TBC1D9B: variants seen among roughly 807,000 people sequenced by gnomAD.
The protein encoded by TBC1D9B is TBC1 domain family member 9B.
In TBC1D9B, 87 loss-of-function variants were observed where a neutral mutation model predicts 121.1. The observed-to-expected ratio is 0.72, with a 90% CI of 0.60 to 0.86. The LOEUF (loss-of-function observed/expected upper bound fraction) is 0.86. Among genes scored for constraint, TBC1D9B ranks in the 40% least tolerant of loss-of-function variants. The pLI is 0.00. For synonymous variants in TBC1D9B, 668 were observed against 670.1 expected (o/e 1.00, Z 0.05); for missense variants, 1,540 against 1,628.6 (o/e 0.95, Z 0.94).
At position 179,899,250 on chromosome 5, in the gene TBC1D9B, T is replaced by C; in HGVS notation, c.287A>G (p.Gln96Arg). 1 of 1,614,148 alleles carries C rather than the reference T, an allele frequency of 6.2e-7. No homozygotes were observed. The highest frequency in any genetic ancestry group is 8.5e-7 in the Non-Finnish European group (1 of 1,180,036). ...HWEWLENNLL[Q>R]TLSIFDSEED... ...CTCACTGTCGAAGATGGACAGTGTC[T>C]GGAGCAAGTTATTTTCCAGCCATTC... The change falls in exon 3 of 21, where the codon CAG becomes CGG. Residue 96 changes from glutamine (Q) to arginine (R), a missense_variant. Transcript: ENST00000355235.
rs1431959207 is a variant in TBC1D9B at position 179,875,381 on chromosome 5, C to T, written c.1901-194G>A. ...TCTCTACAGCTCCCAAACCACTGGG[C>T]GAAATAACTATTTCTTCTACTACAC... On this transcript the variant is annotated intron_variant, in intron 11 of 20. Transcript: ENST00000355235. This position sits in a 1 kb window ranked among gnomAD's most constrained non-coding sequence, Gnocchi z 4.5. Among the ~76,000 whole-genome samples, 1 of 152,094 alleles carries T rather than the reference C, an allele frequency of 6.6e-6. No individual in the cohort carries two copies. Among genetic ancestry groups the T allele is most frequent in the African/African-American group, 2.4e-5 (1 of 41,410 alleles).
rs184527634 is a variant in TBC1D9B, at chr5:179,890,879, C to T, written c.1044+500G>A. On this transcript the variant is annotated intron_variant, in intron 6 of 20. Transcript: ENST00000355235. The surrounding 1 kb of genome is among the most constrained non-coding windows in gnomAD (Gnocchi z 5.0). The stretch of plus-strand genomic sequence containing the variant: ...AGGAGCAAGTGAGAGCCAATGCAGC[C>T]TCACAGGGGAGAGCCGACGCCGCCC... 1.2e-3 allele frequency among the ~76,000 whole-genome samples: 185 copies of T among 152,316 alleles called. No homozygotes were observed. The highest frequency in any genetic ancestry group is 4.2e-3 in the African/African-American group (176 of 41,588).
At position 179,863,421 on chromosome 5, in the gene TBC1D9B, T is replaced by C. The variant is rs1490762708; in HGVS notation, c.*27A>G. 1.2e-6 allele frequency: 2 copies of C among 1,602,394 alleles called. No homozygotes were observed. Among genetic ancestry groups the C allele is most frequent in the African/African-American group, 2.7e-5 (2 of 74,700 alleles). On this transcript the variant is annotated 3_prime_UTR_variant, in exon 21 of 21. Transcript: ENST00000355235. The surrounding 1 kb of genome is among the most constrained non-coding windows in gnomAD (Gnocchi z 4.5). ...TGAGGCCAGCCCCACTGATGACACCTTGGGCCAGGCCTCACAGCTGCAGGC... is the reference window on the plus strand; with the variant it reads ...TGAGGCCAGCCCCACTGATGACACCCTGGGCCAGGCCTCACAGCTGCAGGC...
chr5:179,891,319 T>A lies in TBC1D9B; in HGVS notation c.1044+60A>T, dbSNP rs1582096497. ...GGGCAGAGCAGGACAGGCTGGTCCC[T>A]GAGCCCACTGACACCTCGGGGCTGG... On this transcript the variant is annotated intron_variant, in intron 6 of 20. Coordinates refer to ENST00000355235, the MANE Select transcript of TBC1D9B (RefSeq NM_015043.4). The surrounding 1 kb of genome is among the most constrained non-coding windows in gnomAD (Gnocchi z 4.3). 1 of 1,594,478 alleles carries A rather than the reference T, an allele frequency of 6.3e-7. No homozygotes were observed. The highest frequency in any genetic ancestry group is 2.2e-5 in the East Asian group (1 of 44,716).
chr5:179,881,946 G>GTTTTTGTTTTTTTTTTTTTTTTTTT (rs1760554581), intron 7 of TBC1D9B, among the ~76,000 whole-genome samples: 3 of 128,286 alleles, frequency 2.3e-5, no homozygotes, highest in African/African-American at 1.0e-4. Flanking sequence ...TATACCTTCC[G>GTTTTTGTTTTTTTTTTTTTTTTTTT]TTTTTTTTTT....
intron 6 of TBC1D9B, among the ~76,000 whole-genome samples, chr5:179,888,924 G>A (rs549275638): frequency 1.3e-5 from 2 of 152,312 alleles, no homozygotes; most frequent in South Asian, 2.1e-4. Flanking sequence ...GAAGAGATGG[G>A]TGGGGGCACA....
chr5:179,891,036 G>A lies in TBC1D9B; in HGVS notation c.1044+343C>T, dbSNP rs919221751. 3.9e-5 allele frequency among the ~76,000 whole-genome samples: 6 copies of A among 152,212 alleles called. No homozygotes were observed. The highest frequency in any genetic ancestry group is 9.6e-5 in the African/African-American group (4 of 41,452). ...GGTGCAGGAACACGGTCCTCTAAGC[G>A]CAGCCACGGAGCAGCACTTTGCCCT... On this transcript the variant is annotated intron_variant, in intron 6 of 20. Transcript: ENST00000355235. The surrounding 1 kb of genome is among the most constrained non-coding windows in gnomAD (Gnocchi z 4.3).
At chr5:179,900,356 AC>A (rs1246054309) in intron 2 of TBC1D9B, among the ~76,000 whole-genome samples, 1 of 152,100 alleles carries the variant, frequency 6.6e-6, no homozygotes, top group Non-Finnish European at 1.5e-5. Flanking sequence ...TGGCTCCCCT[AC>A]CCCCAGCACC....
rs147664127 is a variant in TBC1D9B, at chr5:179,863,537, C to G, written c.3613G>C (p.Asp1205His). Residue 1205 changes from aspartate to histidine, a missense_variant, in exon 21 of 21, where the codon GAC becomes CAC. Transcript: ENST00000355235. The surrounding 1 kb of genome is among the most constrained non-coding windows in gnomAD (Gnocchi z 4.5). ...TGGTCCTTGATCTTGAGTCCAATGT[C>G]CACTCTCTTCTCAAAGAAGTTCACC... ...VLVNFFEKRVDIGLKIKDQKK... is the reference protein window; with the variant it reads ...VLVNFFEKRVHIGLKIKDQKK... 1.1e-5 allele frequency: 18 copies of G among 1,614,186 alleles called. No individual in the cohort carries two copies. The highest frequency in any genetic ancestry group is 1.4e-5 in the Non-Finnish European group (17 of 1,180,046).
At chr5:179,892,816 C>G (rs1760902737) in intron 5 of TBC1D9B, among the ~76,000 whole-genome samples, 1 of 152,174 alleles carries the variant, frequency 6.6e-6, no homozygotes, top group African/African-American at 2.4e-5. Flanking sequence ...CTGGGGGTGT[C>G]AGAACACCCT....
Position 179,902,370 on chromosome 5 carries a change from C to T in TBC1D9B, c.229+2332G>A, listed in dbSNP as rs1228838978. On this transcript the variant is annotated intron_variant, in intron 2 of 20. Transcript: ENST00000355235. This position sits in a 1 kb window ranked among gnomAD's most constrained non-coding sequence, Gnocchi z 4.9. ...AAGGCCAGAAATGGAGGCAGGCAGA[C>T]CCCCAGGTGTCCTCGAACACCAGGC... Among the ~76,000 whole-genome samples the T allele has an allele frequency of 5.9e-5, 9 of 152,174 alleles. No homozygotes were observed. Among genetic ancestry groups the T allele is most frequent in the Non-Finnish European group, 1.3e-4 (9 of 68,028 alleles).
intron 7 of TBC1D9B, among the ~76,000 whole-genome samples, chr5:179,883,386 T>C (rs1375844719): frequency 1.3e-5 from 2 of 152,248 alleles, no homozygotes; most frequent in African/African-American, 4.8e-5. Flanking sequence ...TTTGATCTTC[T>C]TTGCCTAACT....
Position 179,893,246 on chromosome 5 carries a change from G to A in TBC1D9B, c.799C>T (p.Pro267Ser). 1.2e-6 allele frequency: 2 copies of A among 1,613,170 alleles called. No homozygotes were observed. The highest frequency in any genetic ancestry group is 2.2e-5 in the South Asian group (2 of 91,076). ...GFLEDKALPR[P>S]IRPHRNISAL... ...GAGATGTTCCTGTGTGGCCGGATGG[G>A]CCTAGGCAGGGCCTTGTCCTCCAGG... The change falls in exon 5 of 21, where the codon CCC becomes TCC. Residue 267 changes from proline (P) to serine (S), a missense_variant. By Grantham distance (74) the Pro-to-Ser change is moderately conservative. Transcript: ENST00000355235.
chr5:179,870,956 G>C (rs1048221286), intron 15 of TBC1D9B, among the ~76,000 whole-genome samples: 7 of 152,256 alleles, frequency 4.6e-5, no homozygotes, highest in Admixed American at 1.3e-4. Flanking sequence ...CAGAAAGGCA[G>C]ATTCCAACCA....
rs61735498 is a variant in TBC1D9B, at chr5:179,863,890, G to A, written c.3260C>T (p.Ala1087Val). 2.5e-3 allele frequency: 4,042 copies of A among 1,613,170 alleles called. 106 individuals are homozygous for A. The African/African-American group carries it at 0.047, about 19-fold the overall frequency. ...DAARELQPPAAGDPQAKAGGD... is the reference protein window; with the variant it reads ...DAARELQPPAVGDPQAKAGGD... Reference sequence around the variant, plus strand: ...GCCTGCTTTGGCTTGGGGGTCTCCTGCAGCTGGGGGCTGAAGCTCCCTGGC... The same window carrying A: ...GCCTGCTTTGGCTTGGGGGTCTCCTACAGCTGGGGGCTGAAGCTCCCTGGC... The change falls in exon 21 of 21, where the codon GCA (alanine) becomes GTA (valine). Residue 1087 changes from alanine (A) to valine (V), a missense_variant. Ala to Val is a moderately conservative substitution (Grantham distance 64, BLOSUM62 0). Coordinates refer to ENST00000355235, the MANE Select transcript of TBC1D9B (RefSeq NM_015043.4). This position sits in a 1 kb window ranked among gnomAD's most constrained non-coding sequence, Gnocchi z 4.5.
chr5:179,879,316 CCT>C (rs1760462089), intron 8 of TBC1D9B, 119 bp from the exon 9 acceptor site: 1 of 1,431,028 alleles, frequency 7.0e-7, no homozygotes, highest in African/African-American at 1.4e-5. Flanking sequence ...GTGTGGCCTT[CCT>C]CGCAATTCCC....
chr5:179,872,621 G>A, intron 14 of TBC1D9B: 1 of 488,444 alleles, frequency 2.0e-6, no homozygotes, highest in Non-Finnish European at 3.7e-6. Context: ...GGCGGGCTCG[G>A]CCCAGAGGGC....
intron 20 of TBC1D9B, among the ~76,000 whole-genome samples, chr5:179,864,836 C>T (rs1481369059): frequency 6.6e-6 from 1 of 152,222 alleles, no homozygotes; most frequent in Non-Finnish European, 1.5e-5. Flanking sequence ...TGGGGTCTCC[C>T]ATTTTCTGGC....
Position 179,893,380 on chromosome 5 carries a change from C to T in TBC1D9B, c.665G>A (p.Arg222His), listed in dbSNP as rs752328852. ...LFPESIRVDT[R>H]DQELFFSMFL... ...CATGGAGAAGAAGAGCTCCTGGTCG[C>T]GGGTGTCCACACGGATGCTCTCGGG... The change falls in exon 5 of 21, where the codon CGC becomes CAC. Residue 222 changes from arginine to histidine, a missense_variant. Physicochemically the swap from Arg to His is conservative, Grantham distance 29. Transcript: ENST00000355235. 48 of 1,613,964 alleles carry T rather than the reference C, an allele frequency of 3.0e-5. No individual in the cohort carries two copies. The highest frequency in any genetic ancestry group is 3.8e-5 in the Non-Finnish European group (45 of 1,180,018).
Sources: allele counts gnomAD v4.1 joint callset (sites outside exome capture counted in the v4.1 genomes callset), GRCh38; gene constraint gnomAD v4.1.1; non-coding constraint Gnocchi (gnomAD v3.1); transcripts MANE v1.5; gene names NCBI Gene and HGNC (gene_info 2026-07-23, HGNC 2026-07-21).